The following SAMD12 variants were observed in gnomAD, a reference collection of about 807,000 sequenced individuals.
The protein encoded by SAMD12 is sterile alpha motif domain containing 12, also known as sterile alpha motif domain-containing protein 12.
A neutral mutation model predicts 15.0 loss-of-function variants in SAMD12; 9 were observed. That is an observed-to-expected ratio of 0.60 (90% CI 0.36 to 1.05). The LOEUF (loss-of-function observed/expected upper bound fraction) is 1.05, where lower values mean the gene tolerates loss of function less well. SAMD12 is among the 50% of genes least tolerant of loss of function. The probability of loss-of-function intolerance (pLI) is 0.01; values close to 1 mark genes in which losing one functional copy is unlikely to be tolerated. For missense variants in SAMD12, 230 were observed against 234.2 expected (o/e 0.98, Z 0.12); for synonymous variants, 86 against 90.1 (o/e 0.96, Z 0.25).
Position 118,503,231 on chromosome 8 carries a change from C to T in SAMD12, c.193-63270G>A, listed in dbSNP as rs528070460. Among the ~76,000 whole-genome samples the T allele has an allele frequency of 3.9e-5, 6 of 152,238 alleles. No homozygotes were observed. The South Asian group carries it at 1.2e-3, about 32-fold the overall frequency. On this transcript the variant is annotated intron_variant, in intron 2 of 3. Coordinates refer to ENST00000314727, the MANE Select transcript of SAMD12 (RefSeq NM_207506.3). ...TAATGCCGTCTGTAGGGCTTTCTTG[C>T]AAGTGAAAGGAAATGTATCATGCAC...
At chr8:118,576,245 A>C (rs1827149603) in intron 2 of SAMD12, among the ~76,000 whole-genome samples, 1 of 152,224 alleles carries the variant, frequency 6.6e-6, no homozygotes, top group African/African-American at 2.4e-5. Flanking sequence ...AGCATGACCA[A>C]AGAAATACAT....
chr8:118,315,329 A>G (rs544095078), intron 4 of SAMD12, among the ~76,000 whole-genome samples: 1 of 152,344 alleles, frequency 6.6e-6, no homozygotes, highest in South Asian at 2.1e-4. Flanking sequence ...CCACATATCA[A>G]AATATCAGGT....
At chr8:118,377,482 G>A (rs547569922), downstream of SAMD12, among the ~76,000 whole-genome samples, 280 of 152,182 alleles carry the variant, frequency 1.8e-3, no homozygotes, top group African/African-American at 6.5e-3. Context: ...ATACCCAAGA[G>A]CTAGAGAACA....
intron 4 of SAMD12, among the ~76,000 whole-genome samples, chr8:118,365,047 T>G (rs541691038): frequency 6.6e-6 from 1 of 152,188 alleles, no homozygotes; most frequent in Non-Finnish European, 1.5e-5. Flanking sequence ...CCTTCTGTAG[T>G]TGCCACTGTC....
intron 4 of SAMD12, among the ~76,000 whole-genome samples, chr8:118,247,114 G>T (rs1314108460): frequency 6.6e-6 from 1 of 152,128 alleles, no homozygotes; most frequent in Admixed American, 6.6e-5. Context: ...CAACAACGTG[G>T]ATGGACCTAG....
Position 118,348,825 on chromosome 8 carries a change from G to A in SAMD12, c.433+30735C>T, listed in dbSNP as rs532034064. Among the ~76,000 whole-genome samples, 11 of 152,354 alleles carry A rather than the reference G, an allele frequency of 7.2e-5. No homozygotes were observed. In the South Asian group the frequency reaches 2.3e-3, roughly 32 times the overall value. Reference sequence around the variant, plus strand: ...AGCTGGTCAGACAAAGGTAGCCTGAGGGAACCAGAACAGTCCCAAGTGGAG... The same window carrying A: ...AGCTGGTCAGACAAAGGTAGCCTGAAGGAACCAGAACAGTCCCAAGTGGAG... On this transcript the variant is annotated intron_variant, in intron 4 of 4. Transcript: ENST00000409003.
chr8:118,203,825 T>C (rs1819782976), intron 4 of SAMD12, among the ~76,000 whole-genome samples: 1 of 147,476 alleles, frequency 6.8e-6, no homozygotes, highest in Admixed American at 6.9e-5. Flanking sequence ...AGTGAGAACA[T>C]GCGGTGTTTG....
chr8:118,258,913 T>G (rs1407802780), intron 4 of SAMD12, among the ~76,000 whole-genome samples: 1 of 152,124 alleles, frequency 6.6e-6, no homozygotes, highest in African/African-American at 2.4e-5. Flanking sequence ...CACGCTCATC[T>G]GCCAGGCCCC....
At chr8:118,491,733 A>T (rs1824445902) in intron 2 of SAMD12, among the ~76,000 whole-genome samples, 1 of 152,154 alleles carries the variant, frequency 6.6e-6, no homozygotes. Context: ...TCCTTCACTC[A>T]ACACAATGTG....
chr8:118,617,372 G>C (rs190683729), intron 1 of SAMD12, among the ~76,000 whole-genome samples: 8 of 152,302 alleles, frequency 5.3e-5, no homozygotes, highest in East Asian at 1.9e-4. Flanking sequence ...GTGATGTGTA[G>C]TTTCTTCACT....
At chr8:118,215,588 A>G (rs1405744702) in intron 4 of SAMD12, among the ~76,000 whole-genome samples, 1 of 151,962 alleles carries the variant, frequency 6.6e-6, no homozygotes, top group Non-Finnish European at 1.5e-5. Context: ...AGCATTATGT[A>G]TATCTCCCAA....
chr8:118,249,408 C>A (rs1812770158), intron 4 of SAMD12, among the ~76,000 whole-genome samples: 1 of 152,084 alleles, frequency 6.6e-6, no homozygotes. Context: ...GTGGATTCAA[C>A]CTAGTATTTG....
intron 4 of SAMD12, among the ~76,000 whole-genome samples, chr8:118,303,543 G>A (rs1815157081): frequency 6.6e-6 from 1 of 152,176 alleles, no homozygotes; most frequent in Non-Finnish European, 1.5e-5. Context: ...ATTGACAAAA[G>A]AGAAAGAGGA....
At chr8:118,544,975 G>A (rs560633224) in intron 2 of SAMD12, among the ~76,000 whole-genome samples, 4 of 152,312 alleles carry the variant, frequency 2.6e-5, no homozygotes, top group East Asian at 3.9e-4. Context: ...AACAGCAGAC[G>A]AATGAGATCA....
chr8:118,322,312 G>T (rs1485240933), intron 4 of SAMD12, among the ~76,000 whole-genome samples: 1 of 152,228 alleles, frequency 6.6e-6, no homozygotes, highest in Non-Finnish European at 1.5e-5. Flanking sequence ...TGGGGGCTGT[G>T]TCTGTCTGGG....
chr8:118,216,066 T>C (rs2129842228), intron 4 of SAMD12, among the ~76,000 whole-genome samples: 1 of 151,894 alleles, frequency 6.6e-6, no homozygotes, highest in South Asian at 2.1e-4. Flanking sequence ...GTTGAACTAG[T>C]TTACAGTCCC....
chr8:118,271,879 C>A (rs979065836), intron 4 of SAMD12, among the ~76,000 whole-genome samples: 1 of 152,176 alleles, frequency 6.6e-6, no homozygotes, highest in Non-Finnish European at 1.5e-5. Context: ...TAGAGTACAG[C>A]CCCCCACTTC....
At chr8:118,286,222 C>T (rs775102606) in intron 4 of SAMD12, among the ~76,000 whole-genome samples, 10 of 151,410 alleles carry the variant, frequency 6.6e-5, no homozygotes, top group Admixed American at 6.6e-5. Context: ...ACGTAAATGA[C>T]GAGTTAATGG....
chr8:118,316,954 AGAGAT>A (rs1815948876), intron 4 of SAMD12, among the ~76,000 whole-genome samples: 1 of 151,420 alleles, frequency 6.6e-6, no homozygotes, highest in African/African-American at 2.4e-5. Flanking sequence ...CGTGCCTGTC[AGAGAT>A]ACGAACTTTA....
Sources: gnomAD v4.1 joint callset for allele counts (sites outside exome capture counted in the v4.1 genomes callset) on GRCh38, gnomAD v4.1.1 for gene constraint, MANE v1.5 for transcripts, NCBI Gene and HGNC (gene_info 2026-07-23, HGNC 2026-07-21) for gene names.